Variants in ROBO2 observed in about 807,000 individuals in gnomAD.
ROBO2 encodes the protein roundabout homolog 2.
In ROBO2, 53 loss-of-function variants were observed where a neutral mutation model predicts 160.8. The ratio of observed to expected loss-of-function variants is 0.33; its 90% CI spans 0.26 to 0.41. ROBO2 has a LOEUF of 0.41. ROBO2 is among the 10% of genes least tolerant of loss of function. The pLI, the probability that ROBO2 is intolerant of heterozygous loss-of-function variation, is 1.00. For missense variants in ROBO2, 1,577 were observed against 1,722.4 expected (o/e 0.92, Z 1.49); for synonymous variants, 664 against 611.7 (o/e 1.09, Z -1.26).
chr3:76,209,038 G>A (rs1056733805), intron 2 of ROBO2, among the ~76,000 whole-genome samples: 14 of 152,012 alleles, frequency 9.2e-5, no homozygotes, highest in African/African-American at 2.7e-4. Context: ...AGTTGAAAAT[G>A]GGCAAAAAAA....
At chr3:76,111,930 C>T (rs2108239773) in intron 2 of ROBO2, among the ~76,000 whole-genome samples, 1 of 152,226 alleles carries the variant, frequency 6.6e-6, no homozygotes, top group East Asian at 1.9e-4. Context: ...TAAATCTGCA[C>T]ACTTCTCAGA....
intron 17 of ROBO2, 150 bp downstream of exon 18, chr3:77,589,083 T>G (rs891841021): frequency 1.2e-6 from 1 of 859,316 alleles, no homozygotes; most frequent in Non-Finnish European, 1.9e-6. Flanking sequence ...CATGCTTTAA[T>G]GCATTGCTCT....
chr3:76,130,088 A>C (rs533045890), intron 2 of ROBO2, among the ~76,000 whole-genome samples: 1 of 152,216 alleles, frequency 6.6e-6, no homozygotes, highest in African/African-American at 2.4e-5. Context: ...GGATCTTATC[A>C]ATTTTGAAAA....
At chr3:76,262,276 A>G (rs1357040375) in intron 2 of ROBO2, among the ~76,000 whole-genome samples, 3 of 152,164 alleles carry the variant, frequency 2.0e-5, no homozygotes, top group Non-Finnish European at 2.9e-5. Context: ...GGTGACTTAC[A>G]TAAAATTTAA....
chr3:77,503,419 G>T (rs2153609438), intron 5 of ROBO2, among the ~76,000 whole-genome samples: 1 of 151,282 alleles, frequency 6.6e-6, no homozygotes, highest in African/African-American at 2.4e-5. Flanking sequence ...AGTTACTCGG[G>T]AGGCTGAGGC....
chr3:76,209,752 A>C (rs1703028082), intron 2 of ROBO2, among the ~76,000 whole-genome samples: 2 of 152,168 alleles, frequency 1.3e-5, no homozygotes, highest in Non-Finnish European at 2.9e-5. Flanking sequence ...ATTTCATAGC[A>C]GCTGGGGATT....
chr3:77,063,766 C>T (rs2066559138), intron 1 of ROBO2, among the ~76,000 whole-genome samples: 1 of 152,144 alleles, frequency 6.6e-6, no homozygotes, highest in South Asian at 2.1e-4. Context: ...GCTCTTCTTT[C>T]TCTCTGCCTA....
At chr3:76,880,921 C>G (rs1331860478) in intron 2 of ROBO2, among the ~76,000 whole-genome samples, 2 of 152,084 alleles carry the variant, frequency 1.3e-5, no homozygotes, top group African/African-American at 4.8e-5. Context: ...GTTTATTATT[C>G]AGCCTTTTCT....
At chr3:76,109,476 C>G (rs890980310) in intron 2 of ROBO2, among the ~76,000 whole-genome samples, 1 of 151,996 alleles carries the variant, frequency 6.6e-6, no homozygotes, top group African/African-American at 2.4e-5. Flanking sequence ...AGGCATCACC[C>G]TAAGGAGCTT....
At chr3:76,645,728 G>T (rs1212696876) in intron 2 of ROBO2, among the ~76,000 whole-genome samples, 1 of 151,956 alleles carries the variant, frequency 6.6e-6, no homozygotes, top group South Asian at 2.1e-4. Flanking sequence ...TAAATGAATG[G>T]GTAAAAGAAT....
rs552295952 is a variant in ROBO2, at chr3:77,193,448, G to GTTTTTT, written c.388+95117_388+95122dup. ...ATAGTACACCACCATGCCCAGCTAA[G>GTTTTTT]TTTTTTTTTTTTTTAAAGACAGGGT... On this transcript the variant is annotated intron_variant, in intron 2 of 25. Coordinates refer to ENST00000461745, the Ensembl canonical transcript of ROBO2. 6.3e-4 allele frequency among the ~76,000 whole-genome samples: 76 copies of GTTTTTT among 121,598 alleles called. 5 individuals are homozygous for GTTTTTT. The highest frequency in any genetic ancestry group is 8.4e-4 in the Non-Finnish European group (44 of 52,132). The allele number at this position is 121,598 out of a possible 152,430, so 79.8% of individuals were successfully genotyped here.
At chr3:76,075,325 C>A (rs934561366) in intron 2 of ROBO2, among the ~76,000 whole-genome samples, 1 of 151,970 alleles carries the variant, frequency 6.6e-6, no homozygotes, top group Middle Eastern at 3.2e-3. Flanking sequence ...GTAATAGCTA[C>A]AGCCTGAATG....
chr3:76,476,838 A>T (rs555302569), intron 2 of ROBO2, among the ~76,000 whole-genome samples: 450 of 124,398 alleles, frequency 3.6e-3, no homozygotes, highest in Non-Finnish European at 4.9e-3. Flanking sequence ...CTTGGGAAAA[A>T]ATGGAAAAAA....
At chr3:76,049,369 C>CTTGG (rs2067567666) in intron 2 of ROBO2, among the ~76,000 whole-genome samples, 8 of 128,146 alleles carry the variant, frequency 6.2e-5, no homozygotes, top group South Asian at 5.1e-4. Context: ...TGCCACCACC[C>CTTGG]CTGGCTAATT....
rs576262133 is a variant in ROBO2 at position 77,258,855 on chromosome 3, C to A, written c.388+160515C>A. On this transcript the variant is annotated intron_variant, in intron 2 of 25. Transcript: ENST00000461745. Reference sequence around the variant, plus strand: ...GAAGGTTGTCTTGGGGACAAAATTTCTTTTAATTCATGGATGCTTTGCAAG... The same window carrying A: ...GAAGGTTGTCTTGGGGACAAAATTTATTTTAATTCATGGATGCTTTGCAAG... 1.1e-4 allele frequency among the ~76,000 whole-genome samples: 17 copies of A among 152,312 alleles called. No individual in the cohort carries two copies. In the East Asian group the frequency reaches 2.9e-3, roughly 26 times the overall value.
chr3:76,222,403 A>G (rs1704023750), intron 2 of ROBO2, among the ~76,000 whole-genome samples: 2 of 152,170 alleles, frequency 1.3e-5, no homozygotes, highest in Admixed American at 1.3e-4. Flanking sequence ...TTGAAAGACA[A>G]GTGTACATGT....
intron 1 of ROBO2, among the ~76,000 whole-genome samples, chr3:77,068,295 T>G (rs1260874461): frequency 6.6e-6 from 1 of 152,140 alleles, no homozygotes; most frequent in Non-Finnish European, 1.5e-5. Flanking sequence ...CTTTATGTCT[T>G]ATGTGTTTGA....
At chr3:76,755,153 A>T (rs974848312) in intron 2 of ROBO2, among the ~76,000 whole-genome samples, 6 of 151,812 alleles carry the variant, frequency 4.0e-5, no homozygotes, top group Admixed American at 1.3e-4. Flanking sequence ...GATTAAATGA[A>T]TTTTCCTATG....
At chr3:76,751,360 A>C (rs2060633152) in intron 2 of ROBO2, among the ~76,000 whole-genome samples, 1 of 152,070 alleles carries the variant, frequency 6.6e-6, no homozygotes, top group Non-Finnish European at 1.5e-5. Context: ...CTAGAAGAAA[A>C]CCTAGGCAAT....
Sources: allele counts gnomAD v4.1 joint callset (sites outside exome capture counted in the v4.1 genomes callset), GRCh38; gene constraint gnomAD v4.1.1; transcripts MANE v1.5; gene names NCBI Gene and HGNC (gene_info 2026-07-23, HGNC 2026-07-21).